The following DNAH3 variants were observed in gnomAD, a reference collection of about 807,000 sequenced individuals.
The protein encoded by DNAH3 is dynein axonemal heavy chain 3.
In DNAH3, 332 loss-of-function variants were observed where a neutral mutation model predicts 432.5. That is an observed-to-expected ratio of 0.77 (90% CI 0.70 to 0.84). The LOEUF (loss-of-function observed/expected upper bound fraction) is 0.84. DNAH3 is among the 40% of genes least tolerant of loss of function. The pLI, the probability that DNAH3 is intolerant of heterozygous loss-of-function variation, is 0.00. For missense variants in DNAH3, 4,861 were observed against 5,114.0 expected (o/e 0.95, Z 1.51); for synonymous variants, 1,956 against 1,900.2 (o/e 1.03, Z -0.76).
chr16:21,064,581 C>A (rs1179511683), intron 24 of DNAH3, among the ~76,000 whole-genome samples: 2 of 152,106 alleles, frequency 1.3e-5, no homozygotes, highest in Non-Finnish European at 2.9e-5. Flanking sequence ...TAACAAATAT[C>A]CAGTGAGATG....
At chr16:21,022,366 T>C (rs172958) in intron 39 of DNAH3, among the ~76,000 whole-genome samples, 78,515 of 152,004 alleles carry the variant, frequency 0.52, 20,534 homozygotes, top group African/African-American at 0.61. Context: ...GGCTTGGAAA[T>C]ACTCTGGGTC....
intron 1 of DNAH3, among the ~76,000 whole-genome samples, chr16:21,154,904 A>G (rs994685254): frequency 3.3e-5 from 5 of 151,934 alleles, no homozygotes; most frequent in African/African-American, 1.2e-4. Context: ...ATAATTCTTA[A>G]GAAAGGATAT....
chr16:21,028,231 AC>A (rs1167663377), intron 37 of DNAH3, among the ~76,000 whole-genome samples: 2 of 152,036 alleles, frequency 1.3e-5, no homozygotes, highest in Admixed American at 1.3e-4. Context: ...TTTTGTAGAG[AC>A]AGGATCTCAC....
intron 41 of DNAH3, among the ~76,000 whole-genome samples, chr16:21,011,145 A>C (rs901997825): frequency 2.6e-5 from 4 of 152,112 alleles, no homozygotes; most frequent in African/African-American, 9.7e-5. Flanking sequence ...TAGCTGCAGA[A>C]GGAAAGGAAA....
intron 5 of DNAH3, among the ~76,000 whole-genome samples, chr16:21,139,532 A>T (rs1260362322): frequency 1.3e-5 from 2 of 151,516 alleles, no homozygotes; most frequent in Non-Finnish European, 2.9e-5. Flanking sequence ...ACTGGAATGT[A>T]GTGGCACAAT....
chr16:20,966,990 T>C (rs549571876), intron 52 of DNAH3, among the ~76,000 whole-genome samples: 2 of 152,306 alleles, frequency 1.3e-5, no homozygotes, highest in East Asian at 3.9e-4. Flanking sequence ...GCTCCTTCTG[T>C]TGACACATTG....
chr16:21,019,474 A>T, intron 41 of DNAH3, 150 bp downstream of exon 41: 1 of 876,844 alleles, frequency 1.1e-6, no homozygotes, highest in Non-Finnish European at 1.7e-6. Context: ...ATGATATTTT[A>T]ATTCTGTAAT....
At chr16:21,063,742 C>T (rs1337335071) in intron 24 of DNAH3, among the ~76,000 whole-genome samples, 2 of 152,002 alleles carry the variant, frequency 1.3e-5, no homozygotes, top group African/African-American at 4.8e-5. Flanking sequence ...GGGGTCTTGC[C>T]ATGTTGGCCA....
chr16:21,145,606 G>T (rs1364773712), intron 2 of DNAH3, among the ~76,000 whole-genome samples, 200 bp from the exon 4 acceptor site: 1 of 152,190 alleles, frequency 6.6e-6, no homozygotes, highest in African/African-American at 2.4e-5. Context: ...TGATGTCAGG[G>T]ATAATAGCTT....
intron 21 of DNAH3, among the ~76,000 whole-genome samples, chr16:21,072,451 T>G (rs2639784): frequency 6.6e-6 from 1 of 151,640 alleles, no homozygotes; most frequent in East Asian, 1.9e-4. Flanking sequence ...CTCAGCCTCC[T>G]GCGTAGCTGG....
intron 16 of DNAH3, among the ~76,000 whole-genome samples, chr16:21,100,852 T>C (rs1263410543): frequency 1.3e-5 from 2 of 152,204 alleles, no homozygotes; most frequent in Admixed American, 1.3e-4. Flanking sequence ...CATAGAAATC[T>C]CTGATGAAAG....
chr16:20,949,766 C>A (rs2084229347), intron 56 of DNAH3, among the ~76,000 whole-genome samples: 1 of 152,074 alleles, frequency 6.6e-6, no homozygotes, highest in Non-Finnish European at 1.5e-5. Flanking sequence ...TCTTTTATAC[C>A]CTTGAGGTTT....
chr16:21,047,677 G>A (rs962088041), intron 31 of DNAH3, among the ~76,000 whole-genome samples: 30 of 152,198 alleles, frequency 2.0e-4, no homozygotes, highest in Non-Finnish European at 2.8e-4. Context: ...CTCTCAGCTC[G>A]TCAAAGCCAT....
rs533376798 is a variant in DNAH3 at position 20,966,316 on chromosome 16, G to A, written c.8459-891C>T. Among the ~76,000 whole-genome samples, 14 of 151,868 alleles carry A rather than the reference G, an allele frequency of 9.2e-5. No homozygotes were observed. The East Asian group carries it at 2.3e-3, about 25-fold the overall frequency. The stretch of plus-strand genomic sequence containing the variant: ...AGCCTCCCAAAGTGCTGGGATTACA[G>A]GTATGGGCCACCACGCCCAGCTGTG... On this transcript the variant is annotated intron_variant, in intron 52 of 61. Coordinates refer to ENST00000261383, the Ensembl canonical transcript of DNAH3.
chr16:21,032,373 C>T (rs563670329), intron 36 of DNAH3, among the ~76,000 whole-genome samples: 5 of 152,198 alleles, frequency 3.3e-5, no homozygotes, highest in African/African-American at 4.8e-5. Flanking sequence ...AAGAAATACA[C>T]GCTGGAGTAT....
chr16:21,114,943 G>T (rs190138691), intron 12 of DNAH3, among the ~76,000 whole-genome samples: 1 of 152,152 alleles, frequency 6.6e-6, no homozygotes, highest in Non-Finnish European at 1.5e-5. Context: ...ACATGCACAC[G>T]TATGTTTATT....
In DNAH3 at chr16:20,984,208, CGT is replaced by C. The variant is rs142280534; in HGVS notation, c.7665+867_7665+868del. Among the ~76,000 whole-genome samples the C allele has an allele frequency of 1.4e-3, 209 of 149,224 alleles. 6 individuals are homozygous for C. The South Asian group carries it at 0.037, about 27-fold the overall frequency. The stretch of plus-strand genomic sequence containing the variant: ...ATGTGTGCACGTGTGCGCATGCGTG[CGT>C]GTGTGTGTGTGTGTATGCATGCATG... On this transcript the variant is annotated intron_variant, in intron 48 of 61. Coordinates refer to ENST00000261383, the Ensembl canonical transcript of DNAH3.
intron 1 of DNAH3, among the ~76,000 whole-genome samples, chr16:21,151,414 G>A (rs1455626642): frequency 1.3e-5 from 2 of 150,338 alleles, no homozygotes; most frequent in African/African-American, 2.5e-5. Flanking sequence ...TCTGCCTCCC[G>A]GGTTCACACC....
At position 20,998,146 on chromosome 16, in the gene DNAH3, C is replaced by T. The variant is rs372329657; in HGVS notation, c.6422-684G>A. On this transcript the variant is annotated intron_variant, in intron 43 of 61. Transcript: ENST00000261383. The stretch of plus-strand genomic sequence containing the variant: ...TTCCTCCCCATATGATGGCAACAGT[C>T]AAGCTCCCAGCAAATAGAGTATTTA... Among the ~76,000 whole-genome samples, 3 of 152,210 alleles carry T rather than the reference C, an allele frequency of 2.0e-5. No homozygotes were observed. The East Asian group carries it at 5.8e-4, about 29-fold the overall frequency.
Sources: gnomAD v4.1 joint callset for allele counts (sites outside exome capture counted in the v4.1 genomes callset) on GRCh38, gnomAD v4.1.1 for gene constraint, MANE v1.5 for transcripts, NCBI Gene and HGNC (gene_info 2026-07-23, HGNC 2026-07-21) for gene names.